LOXL2: variants seen among roughly 807,000 people sequenced by gnomAD.
LOXL2 encodes lysyl oxidase like 2.
LOXL2 carries 70 observed loss-of-function variants against 93.0 expected under a neutral mutation model. The observed-to-expected ratio is 0.75, with a 90% CI of 0.62 to 0.92. LOXL2 has a LOEUF of 0.92. Among genes scored for constraint, LOXL2 ranks in the 40% least tolerant of loss-of-function variants. LOXL2 has a pLI of 0.00. For missense variants in LOXL2, 973 were observed against 1,054.9 expected (o/e 0.92, Z 1.08); for synonymous variants, 438 against 413.2 (o/e 1.06, Z -0.73).
At chr8:23,346,544 T>G (rs1563197614) in intron 3 of LOXL2, among the ~76,000 whole-genome samples, 1 of 152,234 alleles carries the variant, frequency 6.6e-6, no homozygotes, top group Non-Finnish European at 1.5e-5. Flanking sequence ...TATGCCTAAA[T>G]GACATTTCAT....
chr8:23,342,702 A>T (rs547663548), intron 3 of LOXL2, among the ~76,000 whole-genome samples: 4 of 151,984 alleles, frequency 2.6e-5, no homozygotes, highest in African/African-American at 9.7e-5. Flanking sequence ...AAGTGCTGGG[A>T]TTACAGGCAT....
intron 6 of LOXL2, among the ~76,000 whole-genome samples, chr8:23,327,940 G>T (rs1034909975): frequency 4.6e-5 from 7 of 152,184 alleles, no homozygotes; most frequent in African/African-American, 1.7e-4. Context: ...AGTGTGTGCA[G>T]GGCTGCTCCA....
At chr8:23,385,746 G>C (rs1202892573) in intron 1 of LOXL2, 1 of 574,764 alleles carries the variant, frequency 1.7e-6, no homozygotes, top group Non-Finnish European at 3.1e-6. Flanking sequence ...AAATTCCCTC[G>C]TAGCCACTTT....
intron 1 of LOXL2, among the ~76,000 whole-genome samples, chr8:23,394,762 C>A (rs1800067081): frequency 2.1e-5 from 3 of 144,900 alleles, no homozygotes; most frequent in South Asian, 4.7e-4. Flanking sequence ...ATATACCCCC[C>A]CAAAATTGAA....
chr8:23,362,098 T>C (rs1174446725), intron 2 of LOXL2, among the ~76,000 whole-genome samples: 1 of 152,118 alleles, frequency 6.6e-6, no homozygotes, highest in Non-Finnish European at 1.5e-5. Flanking sequence ...AGCCAAGAGG[T>C]GGAAGCAACC....
At chr8:23,328,708 G>GTTGTGTGTGTGTGTGT in intron 5 of LOXL2, 143 bp from the exon 6 acceptor site, 2 of 422,720 alleles carry the variant, frequency 4.7e-6, no homozygotes. Context: ...TTGATGTATG[G>GTTGTGTGTGTGTGTGT]ATGTGTGTGT....
At chr8:23,403,699 C>T (rs1379339734) in intron 1 of LOXL2, among the ~76,000 whole-genome samples, 1 of 151,990 alleles carries the variant, frequency 6.6e-6, no homozygotes, top group Admixed American at 6.5e-5. Flanking sequence ...GACCCAGCGC[C>T]TCGCTCCCCG....
At chr8:23,403,607 T>G (rs1409987896) in intron 1 of LOXL2, among the ~76,000 whole-genome samples, 1 of 151,966 alleles carries the variant, frequency 6.6e-6, no homozygotes, top group East Asian at 1.9e-4. Flanking sequence ...GGAGCCACGC[T>G]GCACTCTCCA....
chr8:23,375,071 G>A (rs573808033), intron 1 of LOXL2, among the ~76,000 whole-genome samples: 1 of 152,176 alleles, frequency 6.6e-6, no homozygotes, highest in African/African-American at 2.4e-5. Flanking sequence ...GGGTTTTTAT[G>A]GTTTTAGGTC....
rs188674963 is a variant in LOXL2, at chr8:23,311,437, G to A, written c.1637-1526C>T. On this transcript the variant is annotated intron_variant, in intron 9 of 13. Coordinates refer to ENST00000389131, the MANE Select transcript of LOXL2 (RefSeq NM_002318.3). ...GCCCTACACCGAGTGTTCTGGGCAC[G>A]CTTATTTTTATGAGGGTGTCATGTG... 4.3e-3 allele frequency among the ~76,000 whole-genome samples: 653 copies of A among 152,304 alleles called. 7 individuals carry two copies. Among genetic ancestry groups the A allele is most frequent in the African/African-American group, 0.015 (614 of 41,576 alleles).
intron 8 of LOXL2, 60 bp downstream of exon 8, chr8:23,319,825 A>C (rs1232673484): frequency 3.8e-6 from 6 of 1,558,520 alleles, no homozygotes; most frequent in Non-Finnish European, 5.2e-6. Context: ...GGCTGACTGA[A>C]GACAGTGTGG....
chr8:23,350,748 T>A (rs1048040449), intron 3 of LOXL2, among the ~76,000 whole-genome samples: 1 of 151,138 alleles, frequency 6.6e-6, no homozygotes, highest in Non-Finnish European at 1.5e-5. Context: ...GGTAGTCTGT[T>A]GGGGTCTTCC....
intron 1 of LOXL2, among the ~76,000 whole-genome samples, chr8:23,394,321 A>C (rs1438451557): frequency 2.1e-5 from 3 of 142,954 alleles, no homozygotes; most frequent in Non-Finnish European, 4.5e-5. Flanking sequence ...TGAACTCGGG[A>C]GGTGGAGGTT....
rs1209357533 is a variant in LOXL2, at chr8:23,368,337, C to T, written c.15G>A (p.Leu5=). 6.2e-7 allele frequency: 1 copy of T among 1,611,972 alleles called. No individual in the cohort carries two copies. Among genetic ancestry groups the T allele is most frequent in the East Asian group, 2.2e-5 (1 of 44,870 alleles). ...CCAGGCAGCTGCAGAGGTGGGAGCA[C>T]AGAGGCCTCTCCATCCCTGTCTTCG... MERP[L]CSHLCSCLAM... is the part of the protein sequence containing the mutation. The change falls in exon 2 of 14, where the codon CTG becomes CTA. Residue 5 remains leucine, a synonymous_variant. Coordinates refer to ENST00000389131, the MANE Select transcript of LOXL2 (RefSeq NM_002318.3).
At chr8:23,371,518 T>C (rs932933165) in intron 1 of LOXL2, among the ~76,000 whole-genome samples, 11 of 151,956 alleles carry the variant, frequency 7.2e-5, no homozygotes, top group Middle Eastern at 3.2e-3. Context: ...TTTGGGAGGC[T>C]GAGGCGGGCG....
chr8:23,367,533 C>T (rs1804423499), intron 2 of LOXL2, among the ~76,000 whole-genome samples: 1 of 151,966 alleles, frequency 6.6e-6, no homozygotes, highest in Non-Finnish European at 1.5e-5. Flanking sequence ...CGTCAGGGAG[C>T]TCCAGCATGT....
chr8:23,390,914 G>A (rs1804834184), intron 1 of LOXL2, among the ~76,000 whole-genome samples: 1 of 152,154 alleles, frequency 6.6e-6, no homozygotes, highest in Non-Finnish European at 1.5e-5. Flanking sequence ...ATGAGGCTGG[G>A]GAGGCCTCAC....
chr8:23,370,181 C>T (rs1277851622), intron 1 of LOXL2, among the ~76,000 whole-genome samples: 1 of 152,134 alleles, frequency 6.6e-6, no homozygotes, highest in Non-Finnish European at 1.5e-5. Flanking sequence ...CTGCCCATGG[C>T]ACACATCCCA....
At chr8:23,383,903 A>G (rs6995706) in intron 1 of LOXL2, among the ~76,000 whole-genome samples, 114,292 of 151,588 alleles carry the variant, frequency 0.75, 43,821 homozygotes, top group African/African-American at 0.88. Context: ...CTCGTGATCC[A>G]CCCGCCTCGG....
Sources: allele counts gnomAD v4.1 joint callset (sites outside exome capture counted in the v4.1 genomes callset), GRCh38; gene constraint gnomAD v4.1.1; transcripts MANE v1.5; gene names NCBI Gene and HGNC (gene_info 2026-07-23, HGNC 2026-07-21).